The following ABTB2 variants were observed in gnomAD, a reference collection of about 807,000 sequenced individuals.
ABTB2 encodes ankyrin repeat and BTB domain containing 2, also known as ankyrin repeat and BTB/POZ domain-containing protein 2.
A neutral mutation model predicts 104.1 loss-of-function variants in ABTB2; 56 were observed. The observed-to-expected ratio is 0.54, with a 90% CI of 0.43 to 0.67. The LOEUF is 0.67. Ranked by LOEUF, ABTB2 falls within the 30% of genes least tolerant of loss-of-function variation. The pLI is 0.00. For missense variants in ABTB2, 1,279 were observed against 1,407.7 expected (o/e 0.91, Z 1.46); for synonymous variants, 606 against 608.2 (o/e 1.00, Z 0.05).
At chr11:34,227,268 C>T (rs957081938) in intron 1 of ABTB2, among the ~76,000 whole-genome samples, 1 of 135,080 alleles carries the variant, frequency 7.4e-6, no homozygotes, top group African/African-American at 2.8e-5. Context: ...AGTGAGACTC[C>T]ATCTCAAAAA....
intron 1 of ABTB2, among the ~76,000 whole-genome samples, chr11:34,338,630 G>A (rs912236979): frequency 8.6e-5 from 13 of 151,898 alleles, no homozygotes; most frequent in African/African-American, 2.7e-4. Flanking sequence ...CACTTGAACC[G>A]GGGCAAGGCT....
chr11:34,196,170 A>T (rs1378912283), intron 3 of ABTB2, among the ~76,000 whole-genome samples: 1 of 152,218 alleles, frequency 6.6e-6, no homozygotes, highest in East Asian at 1.9e-4. Flanking sequence ...ATGCCAGCAT[A>T]TACAATGTTT....
At chr11:34,166,078 C>T (rs1334437364) in intron 7 of ABTB2, among the ~76,000 whole-genome samples, 3 of 152,240 alleles carry the variant, frequency 2.0e-5, no homozygotes, top group Non-Finnish European at 2.9e-5. Flanking sequence ...CTGCATTACT[C>T]CAACTGGTGA....
At position 34,252,119 on chromosome 11, in the gene ABTB2, G is replaced by A. The variant is rs993038868; in HGVS notation, c.884-47429C>T. Among the ~76,000 whole-genome samples the A allele has an allele frequency of 1.3e-5, 2 of 152,134 alleles. No homozygotes were observed. Among genetic ancestry groups the A allele is most frequent in the Admixed American group, 6.5e-5 (1 of 15,268 alleles). On this transcript the variant is annotated intron_variant, in intron 1 of 16. Transcript: ENST00000435224. This position sits in a 1 kb window ranked among gnomAD's most constrained non-coding sequence, Gnocchi z 5.5. The stretch of plus-strand genomic sequence containing the variant: ...CACAGCAAGGCCCGGATGGTGGTTC[G>A]GAGTTCATGCTCCAGGGGTTCATGA...
At position 34,214,532 on chromosome 11, in the gene ABTB2, CTTTTTTTTTT is replaced by C. The variant is rs5790978; in HGVS notation, c.884-9852_884-9843del. 3.7e-3 allele frequency among the ~76,000 whole-genome samples: 450 copies of C among 123,180 alleles called. 4 individuals are homozygous for C. The highest frequency in any genetic ancestry group is 0.012 in the African/African-American group (425 of 34,766). 80.8% of individuals were successfully genotyped at this position (123,180 alleles called of 152,430 possible). On this transcript the variant is annotated intron_variant, in intron 1 of 16. Coordinates refer to ENST00000435224, the MANE Select transcript of ABTB2 (RefSeq NM_145804.3). ...GAAAAAGTGAATGTTAAAAATACCA[CTTTTTTTTTT>C]TTTTTTTTTTTTTTAAAGTCAGGTT...
At chr11:34,255,836 T>C (rs922676423) in intron 1 of ABTB2, among the ~76,000 whole-genome samples, 3 of 152,156 alleles carry the variant, frequency 2.0e-5, no homozygotes, top group Admixed American at 2.0e-4. Flanking sequence ...ATACATTTTT[T>C]TTCCCCTCCT....
chr11:34,191,778 T>C (rs999115525), intron 3 of ABTB2, among the ~76,000 whole-genome samples: 1 of 152,184 alleles, frequency 6.6e-6, no homozygotes, highest in Non-Finnish European at 1.5e-5. Context: ...AGCTCAGCCC[T>C]GTGTGTCTTG....
chr11:34,334,591 A>G (rs1367721380), intron 1 of ABTB2, among the ~76,000 whole-genome samples: 1 of 152,152 alleles, frequency 6.6e-6, no homozygotes. Flanking sequence ...CAAAAGCTAG[A>G]GCCTTGGCAA....
intron 1 of ABTB2, among the ~76,000 whole-genome samples, chr11:34,234,377 C>T (rs560782973): frequency 6.6e-6 from 1 of 152,200 alleles, no homozygotes; most frequent in Non-Finnish European, 1.5e-5. Context: ...AGAGCAGAGG[C>T]TGTAACCGGA....
At chr11:34,327,314 A>G (rs369919910) in intron 1 of ABTB2, among the ~76,000 whole-genome samples, 2 of 152,248 alleles carry the variant, frequency 1.3e-5, no homozygotes, top group South Asian at 4.1e-4. Flanking sequence ...AAAGAGGGAC[A>G]TTGCAATCCT....
chr11:34,309,671 T>A (rs925246693), intron 1 of ABTB2, among the ~76,000 whole-genome samples: 21 of 151,718 alleles, frequency 1.4e-4, no homozygotes, highest in African/African-American at 3.9e-4. Context: ...AAAAAAAAAA[T>A]TTTCAAAACC....
intron 2 of ABTB2, among the ~76,000 whole-genome samples, chr11:34,201,345 C>T (rs1206686958): frequency 1.3e-5 from 2 of 152,124 alleles, no homozygotes; most frequent in Non-Finnish European, 2.9e-5. Context: ...TATGAGCCAT[C>T]AAATAAAAAC....
At chr11:34,337,330 C>G (rs577611978) in intron 1 of ABTB2, among the ~76,000 whole-genome samples, 1 of 152,158 alleles carries the variant, frequency 6.6e-6, no homozygotes, top group Admixed American at 6.5e-5. Context: ...AGCCTTAGGA[C>G]GGGCACAGCT....
chr11:34,235,940 G>C (rs1468172824), intron 1 of ABTB2, among the ~76,000 whole-genome samples: 1 of 152,220 alleles, frequency 6.6e-6, no homozygotes, highest in Non-Finnish European at 1.5e-5. Flanking sequence ...CAGCTGTGTG[G>C]TCTGGGCAAG....
chr11:34,198,540 G>C (rs898850241), intron 2 of ABTB2, among the ~76,000 whole-genome samples: 4 of 152,082 alleles, frequency 2.6e-5, no homozygotes, highest in Non-Finnish European at 5.9e-5. Context: ...ACACCTCAGA[G>C]CCCACAGGTT....
At chr11:34,196,621 C>T (rs1853259835) in intron 3 of ABTB2, among the ~76,000 whole-genome samples, 1 of 152,224 alleles carries the variant, frequency 6.6e-6, no homozygotes, top group African/African-American at 2.4e-5. Context: ...ACTCATGCCC[C>T]TCATTGGGTT....
intron 1 of ABTB2, among the ~76,000 whole-genome samples, chr11:34,290,337 T>G (rs901617038): frequency 1.3e-5 from 2 of 152,242 alleles, no homozygotes. Flanking sequence ...CAAAAGTTTC[T>G]TTTGCCAAGA....
chr11:34,269,440 G>C (rs886284034), intron 1 of ABTB2, among the ~76,000 whole-genome samples: 3 of 152,160 alleles, frequency 2.0e-5, no homozygotes, highest in Non-Finnish European at 2.9e-5. Context: ...AAGAAGGGAG[G>C]GGATTCAGCC....
At chr11:34,254,670 CTTTTTTTT>C (rs57784717) in intron 1 of ABTB2, among the ~76,000 whole-genome samples, 1 of 127,682 alleles carries the variant, frequency 7.8e-6, no homozygotes, top group Non-Finnish European at 1.6e-5. Context: ...ATATTAGAAA[CTTTTTTTT>C]TTTTTTTTTT....
Sources: gnomAD v4.1 joint callset for allele counts (sites outside exome capture counted in the v4.1 genomes callset) on GRCh38, gnomAD v4.1.1 for gene constraint, Gnocchi (gnomAD v3.1) non-coding constraint, MANE v1.5 for transcripts, NCBI Gene and HGNC (gene_info 2026-07-23, HGNC 2026-07-21) for gene names.